RPTOR: variants seen among roughly 807,000 people sequenced by gnomAD.
The protein encoded by RPTOR is regulatory-associated protein of mTOR.
A neutral mutation model predicts 169.9 loss-of-function variants in RPTOR; 21 were observed. The ratio of observed to expected loss-of-function variants is 0.12; its 90% CI spans 0.09 to 0.18. RPTOR has a LOEUF of 0.18. RPTOR is among the 10% of genes least tolerant of loss of function. The pLI is 1.00. For synonymous variants in RPTOR, 732 were observed against 753.2 expected (o/e 0.97, Z 0.46); for missense variants, 1,133 against 1,855.9 (o/e 0.61, Z 7.16).
intron 2 of RPTOR, among the ~76,000 whole-genome samples, chr17:80,634,305 G>C (rs202244249): frequency 1.4e-3 from 126 of 87,688 alleles, no homozygotes; most frequent in Non-Finnish European, 2.2e-3. Flanking sequence ...GTGTGTGTGC[G>C]TACTGTGCGT....
intron 1 of RPTOR, among the ~76,000 whole-genome samples, chr17:80,551,095 G>C (rs2084338819): frequency 6.6e-6 from 1 of 152,006 alleles, no homozygotes; most frequent in East Asian, 1.9e-4. Context: ...CACCATGTTG[G>C]CCAGGCTGGT....
At chr17:80,604,679 TG>T (rs1336459484) in intron 1 of RPTOR, among the ~76,000 whole-genome samples, 3 of 152,188 alleles carry the variant, frequency 2.0e-5, no homozygotes, top group Non-Finnish European at 4.4e-5. Context: ...CTCACAATCA[TG>T]GCAGAAGGTG....
intron 11 of RPTOR, among the ~76,000 whole-genome samples, chr17:80,847,125 G>A (rs374709020): frequency 2.0e-5 from 3 of 152,270 alleles, no homozygotes; most frequent in African/African-American, 7.2e-5. Flanking sequence ...ACACAGATCC[G>A]GAAGCCGGCA....
chr17:80,943,134 G>C (rs947946984), intron 25 of RPTOR, among the ~76,000 whole-genome samples: 2 of 152,244 alleles, frequency 1.3e-5, no homozygotes, highest in Non-Finnish European at 2.9e-5. Context: ...CATCAGTGAG[G>C]CTTCAGCCCG....
At chr17:80,825,888 G>A (rs1272884432) in intron 9 of RPTOR, among the ~76,000 whole-genome samples, 11 of 152,196 alleles carry the variant, frequency 7.2e-5, no homozygotes, top group Admixed American at 6.5e-4. Context: ...TTCTTCTCCT[G>A]GTTGTTGCAG....
chr17:80,659,313 T>A lies in RPTOR; in HGVS notation c.348+15503T>A, dbSNP rs2065703257. ...ATCTGAATCCAAGAAGGGTTAGGAA[T>A]ACCTTAGCCAGTTTCTGTGGCTGCT... On this transcript the variant is annotated intron_variant, in intron 3 of 33. Coordinates refer to ENST00000306801, the MANE Select transcript of RPTOR (RefSeq NM_020761.3). The surrounding 1 kb of genome is among the most constrained non-coding windows in gnomAD (Gnocchi z 4.3). 6.6e-6 allele frequency among the ~76,000 whole-genome samples: 1 copy of A among 152,118 alleles called. No individual in the cohort carries two copies. Among genetic ancestry groups the A allele is most frequent in the Non-Finnish European group, 1.5e-5 (1 of 68,014 alleles).
intron 6 of RPTOR, among the ~76,000 whole-genome samples, chr17:80,787,747 G>T (rs1194244938): frequency 6.6e-6 from 1 of 152,062 alleles, no homozygotes; most frequent in Admixed American, 6.5e-5. Flanking sequence ...CTGGATTTGC[G>T]TTTCTCTCAT....
rs1567830461 is a variant in RPTOR at position 80,634,279 on chromosome 17, T to TGTGTGTGCGTA, written c.265+8493_265+8494insCGTAGTGTGTG. ...GCGTGCATACCGTGTGTGTGCGTAC[T>TGTGTGTGCGTA]GTGTGTGTGCGTACTGTGTGTGTGC... On this transcript the variant is annotated intron_variant, in intron 2 of 33. Coordinates refer to ENST00000306801, the MANE Select transcript of RPTOR (RefSeq NM_020761.3). 2.5e-4 allele frequency among the ~76,000 whole-genome samples: 35 copies of TGTGTGTGCGTA among 142,412 alleles called. 4 individuals carry two copies. The highest frequency in any genetic ancestry group is 9.7e-4 in the African/African-American group (34 of 35,082). 93.4% of individuals were successfully genotyped at this position (142,412 alleles called of 152,430 possible). A position where few individuals can be genotyped will look rare whatever the true frequency, so the allele number is the denominator to read the frequency against.
At position 80,938,992 on chromosome 17, in the gene RPTOR, G is replaced by A. The variant is rs543745008; in HGVS notation, c.2920-1504G>A. 5.3e-5 allele frequency among the ~76,000 whole-genome samples: 8 copies of A among 152,296 alleles called. No homozygotes were observed. In the East Asian group the frequency reaches 7.7e-4, roughly 15 times the overall value. Reference sequence around the variant, plus strand: ...TGCAAGGACGCAAACACGGCCATGCGCCATAGTCTTTATTCCCATTTCTTC... The same window carrying A: ...TGCAAGGACGCAAACACGGCCATGCACCATAGTCTTTATTCCCATTTCTTC... On this transcript the variant is annotated intron_variant, in intron 24 of 33. Coordinates refer to ENST00000306801, the MANE Select transcript of RPTOR (RefSeq NM_020761.3).
intron 3 of RPTOR, among the ~76,000 whole-genome samples, chr17:80,674,074 A>G (rs898096855): frequency 1.3e-5 from 2 of 152,210 alleles, no homozygotes; most frequent in African/African-American, 4.8e-5. Flanking sequence ...TAAAGCACCA[A>G]TGATTTCACC....
At chr17:80,952,478 C>G (rs1050576970) in intron 28 of RPTOR, among the ~76,000 whole-genome samples, 1 of 152,228 alleles carries the variant, frequency 6.6e-6, no homozygotes, top group Non-Finnish European at 1.5e-5. Flanking sequence ...AGGCCCAAGG[C>G]GTGACCTCCG....
At chr17:80,675,025 AG>A (rs2143691959) in intron 3 of RPTOR, among the ~76,000 whole-genome samples, 2 of 152,292 alleles carry the variant, frequency 1.3e-5, no homozygotes, top group South Asian at 4.1e-4. Flanking sequence ...ACACGCTGTG[AG>A]AAGCTGTGAG....
intron 5 of RPTOR, among the ~76,000 whole-genome samples, chr17:80,736,319 GC>G (rs2066433108): frequency 6.6e-6 from 1 of 152,134 alleles, no homozygotes; most frequent in South Asian, 2.1e-4. Context: ...GTCCAGTCCT[GC>G]CACCTGTAGC....
intron 3 of RPTOR, among the ~76,000 whole-genome samples, chr17:80,655,083 GTTTC>G (rs1414555299): frequency 6.6e-6 from 1 of 152,146 alleles, no homozygotes; most frequent in African/African-American, 2.4e-5. Flanking sequence ...CTAAAACATA[GTTTC>G]TTTATCTATT....
intron 3 of RPTOR, among the ~76,000 whole-genome samples, chr17:80,696,347 T>C (rs1429342014): frequency 6.6e-6 from 1 of 152,258 alleles, no homozygotes; most frequent in Non-Finnish European, 1.5e-5. Flanking sequence ...GAATTTGTAC[T>C]GCACAGCCTC....
intron 4 of RPTOR, among the ~76,000 whole-genome samples, chr17:80,709,530 C>T (rs530096839): frequency 6.6e-6 from 1 of 152,360 alleles, no homozygotes; most frequent in South Asian, 2.1e-4. Context: ...ATTCATGCCA[C>T]CGACCCCAGG....
intron 3 of RPTOR, among the ~76,000 whole-genome samples, chr17:80,665,398 C>CATG (rs2143660270): frequency 1.4e-4 from 1 of 7,212 alleles, no homozygotes; most frequent in East Asian, 3.3e-3. Context: ...CTTTCCTTTC[C>CATG]TTTCCTTTCC....
At chr17:80,940,745 A>C (rs2271609) in intron 25 of RPTOR, 144 bp downstream of exon 25, 1 of 607,858 alleles carries the variant, frequency 1.6e-6, no homozygotes, top group East Asian at 3.0e-5. Context: ...CCCGCACCCC[A>C]CCTCCCTTGC....
chr17:80,753,457 A>AC (rs1354695473), intron 5 of RPTOR, among the ~76,000 whole-genome samples: 53 of 151,600 alleles, frequency 3.5e-4, no homozygotes, highest in African/African-American at 1.1e-3. Flanking sequence ...ACACGGTGAA[A>AC]CCCCGTCTCT....
Sources: gnomAD v4.1 joint callset for allele counts (sites outside exome capture counted in the v4.1 genomes callset) on GRCh38, gnomAD v4.1.1 for gene constraint, Gnocchi (gnomAD v3.1) non-coding constraint, MANE v1.5 for transcripts, NCBI Gene and HGNC (gene_info 2026-07-23, HGNC 2026-07-21) for gene names.